ZNF433: variants seen among roughly 807,000 people sequenced by gnomAD.
ZNF433 encodes the protein zinc finger protein 433.
A neutral mutation model predicts 10.6 loss-of-function variants in ZNF433; 12 were observed. That is an observed-to-expected ratio of 1.13 (90% CI 0.72 to 1.83). The LOEUF (loss-of-function observed/expected upper bound fraction) is 1.83. Among genes scored for constraint, ZNF433 ranks in the 40% most tolerant of loss-of-function variants. The pLI, the probability that ZNF433 is intolerant of heterozygous loss-of-function variation, is 0.00. For missense variants in ZNF433, 737 were observed against 798.0 expected (o/e 0.92, Z 0.92); for synonymous variants, 272 against 271.3 (o/e 1.00, Z -0.02).
intron 1 of ZNF433, chr19:12,030,339 GCCT>G (rs935843165): frequency 4.0e-6 from 1 of 250,646 alleles, no homozygotes; most frequent in African/African-American, 2.4e-5. Context: ...TCCTACCTCA[GCCT>G]CCTGAGTAGC....
chr19:12,015,668 C>A lies in ZNF433; in HGVS notation c.1190G>T (p.Gly397Val). Residue 397 changes from glycine to valine, a missense_variant, in exon 4 of 4, where the codon GGT becomes GTT. Gly to Val is a moderately radical substitution (Grantham distance 109). Coordinates refer to ENST00000550507, the MANE Select transcript of ZNF433 (RefSeq NM_001308348.2). ...GGAACTGGAAGAATTAAAGGCTTTA[C>A]CACATTGGTTGCATTTATAGGGTTT... The part of the protein sequence containing the change: ...GEKPYKCNQC[G>V]KAFNSSSSFR... The A allele has an allele frequency of 6.2e-7, 1 of 1,613,870 alleles. No homozygotes were observed. Among genetic ancestry groups the A allele is most frequent in the African/African-American group, 1.3e-5 (1 of 74,950 alleles).
chr19:12,035,418 G>A, intron 1 of ZNF433, 119 bp downstream of exon 1: 1 of 1,421,236 alleles, frequency 7.0e-7, no homozygotes, highest in African/African-American at 1.4e-5. Flanking sequence ...CTGTCCCACG[G>A]GAAATCGGGT....
chr19:12,024,524 G>C (rs1371045304), intron 1 of ZNF433: 1 of 152,198 alleles, frequency 6.6e-6, no homozygotes, highest in Non-Finnish European at 1.5e-5. Context: ...GATACAACCT[G>C]CTCTAGGCAT....
chr19:12,030,698 CA>C (rs1974975274), intron 1 of ZNF433, among the ~76,000 whole-genome samples: 1 of 151,740 alleles, frequency 6.6e-6, no homozygotes, highest in African/African-American at 2.4e-5. Context: ...TCCATGGGTA[CA>C]AAAACACAGA....
rs1367766061 is a variant in ZNF433 at position 12,016,571 on chromosome 19, G to A, written c.287C>T (p.Thr96Ile). 6.2e-7 allele frequency: 1 copy of A among 1,614,098 alleles called. No individual in the cohort carries two copies. The highest frequency in any genetic ancestry group is 8.5e-7 in the Non-Finnish European group (1 of 1,180,034). The part of the protein sequence containing the change: ...VPDDMLKKTT[T>I]GVKSCESSVY... ...ACTGCTTTCGCATGATTTTACTCCA[G>A]TAGTTGTTTTCTTCAGCATGTCATC... The change falls in exon 4 of 4, where the codon ACT becomes ATT. Residue 96 changes from threonine to isoleucine, a missense_variant. By Grantham distance (89) the Thr-to-Ile change is moderately conservative. Coordinates refer to ENST00000550507, the MANE Select transcript of ZNF433 (RefSeq NM_001308348.2).
Position 12,015,255 on chromosome 19 carries a change from G to A in ZNF433, c.1603C>T (p.Gln535Ter), listed in dbSNP as rs1246302001. The part of the protein sequence containing the change: ...HTGEKPYECK[Q>*]CGKAFRSASQ... ...GCAGATCTGAAGGCTTTTCCACATT[G>A]CTTGCATTCATAGGGTTTCTCTCCA... The change falls in exon 4 of 4, where the codon CAA becomes TAA. Residue 535 changes from glutamine to a stop codon, truncating the protein, a stop_gained. Transcript: ENST00000550507. LOFTEE classifies it low-confidence loss of function (END_TRUNC). The A allele has an allele frequency of 7.4e-6, 12 of 1,613,806 alleles. No homozygotes were observed. Among genetic ancestry groups the A allele is most frequent in the Admixed American group, 1.7e-5 (1 of 59,960 alleles).
intron 1 of ZNF433, among the ~76,000 whole-genome samples, chr19:12,035,332 C>T (rs1332379899): frequency 1.3e-5 from 2 of 152,316 alleles, no homozygotes; most frequent in Non-Finnish European, 2.9e-5. Context: ...AGTCACCGCG[C>T]AGGGACAGGA....
intron 1 of ZNF433, chr19:12,022,209 G>C (rs766315729): frequency 8.5e-6 from 3 of 351,306 alleles, no homozygotes; most frequent in Non-Finnish European, 1.8e-5. Context: ...AAACAATAGC[G>C]TAAGTGATCT....
intron 1 of ZNF433, chr19:12,023,119 G>A (rs1285791066): frequency 6.6e-6 from 1 of 152,212 alleles, no homozygotes; most frequent in Non-Finnish European, 1.5e-5. Context: ...CCAAACCAAG[G>A]CATTTCCGGC....
Position 12,014,852 on chromosome 19 carries a change from G to GT in ZNF433, c.2005dup (p.Thr669AsnfsTer33). 1 of 1,568,280 alleles carries GT rather than the reference G, an allele frequency of 6.4e-7. No homozygotes were observed. The highest frequency in any genetic ancestry group is 8.7e-7 in the Non-Finnish European group (1 of 1,155,920). ...GCCTCCTAAAGCCTGGGGTTATGGG[G>GT]TGTCTATGCAGTGAGCCCTTCCATG... On this transcript the variant is annotated frameshift_variant, in exon 4 of 4. Transcript: ENST00000550507. LOFTEE classifies it high-confidence loss of function.
intron 3 of ZNF433, among the ~76,000 whole-genome samples, chr19:12,017,589 C>T (rs1974272946): frequency 6.6e-6 from 1 of 152,074 alleles, no homozygotes; most frequent in African/African-American, 2.4e-5. Flanking sequence ...GGGTCTCACA[C>T]TCTTGCCCAG....
At chr19:12,020,789 C>T (rs279167) in intron 1 of ZNF433, among the ~76,000 whole-genome samples, 5,504 of 151,074 alleles carry the variant, frequency 0.036, 357 homozygotes, top group African/African-American at 0.13. Flanking sequence ...TAGTGATGCG[C>T]GCTACTGGGA....
chr19:12,017,978 A>T, intron 2 of ZNF433, 42 bp from the exon 3 acceptor site: 1 of 1,437,324 alleles, frequency 7.0e-7, no homozygotes, highest in Non-Finnish European at 9.5e-7. Context: ...ATTAGTATAA[A>T]ATTATTAAAA....
chr19:12,027,292 C>T (rs1974786881), intron 1 of ZNF433: 1 of 323,390 alleles, frequency 3.1e-6, no homozygotes, highest in South Asian at 2.4e-5. Flanking sequence ...AGATGTAGCT[C>T]ACCATGATAA....
intron 1 of ZNF433, among the ~76,000 whole-genome samples, chr19:12,019,553 G>C (rs1291858604): frequency 1.3e-5 from 2 of 152,066 alleles, no homozygotes; most frequent in Admixed American, 1.3e-4. Context: ...TAAAATTACT[G>C]TATTTTCCTG....
At chr19:12,027,051 C>T (rs1377570449) in intron 1 of ZNF433, 1 of 448,454 alleles carries the variant, frequency 2.2e-6, no homozygotes, top group Non-Finnish European at 4.4e-6. Context: ...GAAGGACACT[C>T]TAGAAACTTG....
chr19:12,027,281 G>A (rs79041220), intron 1 of ZNF433: 3,729 of 330,218 alleles, frequency 0.011, 96 homozygotes, highest in African/African-American at 0.058. Flanking sequence ...CAACTCCTGC[G>A]AGATGTAGCT....
At chr19:12,018,348 C>A in intron 1 of ZNF433, 56 bp from the exon 2 acceptor site, 2 of 1,557,182 alleles carry the variant, frequency 1.3e-6, no homozygotes, top group Non-Finnish European at 1.7e-6. Context: ...CACTGGGAAG[C>A]CTATACTCTA....
At chr19:12,028,274 T>TA (rs2145465905) in intron 1 of ZNF433, among the ~76,000 whole-genome samples, 2 of 152,212 alleles carry the variant, frequency 1.3e-5, no homozygotes, top group Non-Finnish European at 2.9e-5. Flanking sequence ...ACTACTGCTA[T>TA]AAAAAACAAA....
Sources: allele counts gnomAD v4.1 joint callset (sites outside exome capture counted in the v4.1 genomes callset), GRCh38; gene constraint gnomAD v4.1.1; transcripts MANE v1.5; gene names NCBI Gene and HGNC (gene_info 2026-07-23, HGNC 2026-07-21).